Variants in CSMD2 observed in about 807,000 individuals in gnomAD.
The protein encoded by CSMD2 is CUB and Sushi multiple domains 2.
A neutral mutation model predicts 398.5 loss-of-function variants in CSMD2; 130 were observed. That is an observed-to-expected ratio of 0.33 (90% confidence interval 0.28 to 0.38). The LOEUF (loss-of-function observed/expected upper bound fraction) is 0.38. Ranked by LOEUF, CSMD2 falls within the 10% of genes least tolerant of loss-of-function variation. CSMD2 has a pLI of 1.00. For synonymous variants in CSMD2, 1,828 were observed against 1,908.5 expected, an observed-to-expected ratio of 0.96 and a Z score of 1.10; for missense variants, 3,829 against 4,764.9, an observed-to-expected ratio of 0.80 and a Z score of 5.78.
At chr1:33,727,527 T>C (rs1646576491) in intron 15 of CSMD2, among the ~76,000 whole-genome samples, 1 of 152,186 alleles carries the variant, frequency 6.6e-6, no homozygotes, top group Admixed American at 6.5e-5. Context: ...TTTGAAGTTA[T>C]GCAAGGTCAC....
rs186505089 is a variant in CSMD2, at chr1:33,596,814, A to G, written c.6856+4051T>C. ...TTCAAGATGAGATTTGGGTGGGGACACAGCCAAACCATATCAGATGTCTTT... is the reference window on the plus strand; with the variant it reads ...TTCAAGATGAGATTTGGGTGGGGACGCAGCCAAACCATATCAGATGTCTTT... On this transcript the variant is annotated intron_variant, in intron 44 of 70. Coordinates refer to ENST00000373381, the MANE Select transcript of CSMD2 (RefSeq NM_001281956.2). Among the ~76,000 whole-genome samples, 233 of 152,358 alleles carry G rather than the reference A, an allele frequency of 1.5e-3. 1 individual carries two copies. The highest frequency in any genetic ancestry group is 5.3e-3 in the African/African-American group (220 of 41,590).
intron 1 of CSMD2, among the ~76,000 whole-genome samples, chr1:34,135,378 T>C (rs887260112): frequency 1.3e-4 from 20 of 152,030 alleles, no homozygotes; most frequent in African/African-American, 4.6e-4. Flanking sequence ...CCCAGCACTT[T>C]GGGAGGCCGA....
At position 33,584,425 on chromosome 1, in the gene CSMD2, G is replaced by A. The variant is rs561064567; in HGVS notation, c.7052-595C>T. ...GGAGGCTCATGCCTGTAATCCCAGC[G>A]CTGTGGGAGGCCGGGGCGGGTGAAT... On this transcript the variant is annotated intron_variant, in intron 46 of 70. Transcript: ENST00000373381. Among the ~76,000 whole-genome samples the A allele has an allele frequency of 1.1e-4, 16 of 152,180 alleles. No homozygotes were observed. The South Asian group carries it at 2.7e-3, about 26-fold the overall frequency.
chr1:33,864,310 A>G (rs761370218), intron 5 of CSMD2: 17 of 1,613,936 alleles, frequency 1.1e-5, no homozygotes, highest in Non-Finnish European at 7.6e-6. Context: ...GGCTTTAAAG[A>G]GTTCTCTAGA....
chr1:34,147,607 G>A (rs1158392288), intron 1 of CSMD2, among the ~76,000 whole-genome samples: 1 of 150,698 alleles, frequency 6.6e-6, no homozygotes, highest in African/African-American at 2.4e-5. Flanking sequence ...TATGGCTGGG[G>A]AGGAAAGGAG....
chr1:33,546,317 C>G lies in CSMD2; in HGVS notation c.8918-98G>C, dbSNP rs1340346220. The G allele has an allele frequency of 1.2e-5, 15 of 1,237,880 alleles. No homozygotes were observed. In the East Asian group the frequency reaches 3.9e-4, roughly 32 times the overall value. 76.7% of individuals were successfully genotyped at this position (1,237,880 alleles called of 1,614,324 possible). On this transcript the variant is annotated intron_variant, in intron 56 of 70. Coordinates refer to ENST00000373381, the MANE Select transcript of CSMD2 (RefSeq NM_001281956.2). ...ATACTGGGATGGGACTAAGGGGATG[C>G]AGTGGGTCCCACGAATGAGGCCTAG... is the stretch of plus-strand genomic sequence containing the variant.
intron 4 of CSMD2, among the ~76,000 whole-genome samples, chr1:33,934,439 G>T (rs1319617734): frequency 6.6e-6 from 1 of 152,180 alleles, no homozygotes; most frequent in African/African-American, 2.4e-5. Context: ...GGAAAAGGAG[G>T]GACAAGGCTG....
chr1:33,734,784 C>CAA (rs11337287), intron 15 of CSMD2, among the ~76,000 whole-genome samples: 4 of 128,908 alleles, frequency 3.1e-5, no homozygotes, highest in East Asian at 2.3e-4. Context: ...GATTCCATCT[C>CAA]AAAAAAAAAA....
intron 41 of CSMD2, among the ~76,000 whole-genome samples, chr1:33,608,132 G>A (rs1451887297): frequency 1.3e-5 from 2 of 152,148 alleles, no homozygotes; most frequent in East Asian, 3.9e-4. Flanking sequence ...CAAAGATGGG[G>A]GCTGGGGAAT....
chr1:33,624,686 G>A lies in CSMD2; in HGVS notation c.5501-43C>T, dbSNP rs1405459997. On this transcript the variant is annotated intron_variant, in intron 34 of 70. Transcript: ENST00000373381. The surrounding 1 kb of genome is among the most constrained non-coding windows in gnomAD (Gnocchi z 4.7). Reference sequence around the variant, plus strand: ...CGGGTCAGAGGCTTTGTGGCCTCCCGTGGGAGCCTTCCCAAGCTGACTCCT... The same window carrying A: ...CGGGTCAGAGGCTTTGTGGCCTCCCATGGGAGCCTTCCCAAGCTGACTCCT... The A allele has an allele frequency of 8.2e-6, 13 of 1,589,274 alleles. No individual in the cohort carries two copies. Among genetic ancestry groups the A allele is most frequent in the African/African-American group, 1.3e-5 (1 of 74,434 alleles).
intron 26 of CSMD2, among the ~76,000 whole-genome samples, chr1:33,659,301 T>C (rs548857411): frequency 6.6e-6 from 1 of 152,230 alleles, no homozygotes; most frequent in Admixed American, 6.5e-5. Flanking sequence ...GAGGAATGGG[T>C]GCAAGAGTTA....
chr1:33,775,208 T>A (rs1050841651), intron 12 of CSMD2, among the ~76,000 whole-genome samples: 1 of 152,180 alleles, frequency 6.6e-6, no homozygotes, highest in African/African-American at 2.4e-5. Context: ...CAATTCACAA[T>A]GAAGAAAAAT....
chr1:33,592,225 T>G (rs1570859612), intron 44 of CSMD2: 1 of 605,308 alleles, frequency 1.7e-6, no homozygotes, highest in African/African-American at 1.8e-5. Context: ...TCATTCTCTT[T>G]CTGCACATAG....
At chr1:33,764,034 C>T (rs540953815) in intron 13 of CSMD2, among the ~76,000 whole-genome samples, 21 of 152,194 alleles carry the variant, frequency 1.4e-4, no homozygotes, top group Admixed American at 3.3e-4. Context: ...TATACTTTGC[C>T]GGGATACACC....
intron 5 of CSMD2, among the ~76,000 whole-genome samples, chr1:33,852,315 C>T (rs1017007796): frequency 5.3e-5 from 8 of 152,220 alleles, no homozygotes; most frequent in Non-Finnish European, 1.2e-4. Context: ...CCCTGCATTG[C>T]TGGAAAGCCA....
chr1:33,754,391 T>C (rs1277062191), intron 13 of CSMD2, among the ~76,000 whole-genome samples: 2 of 152,190 alleles, frequency 1.3e-5, no homozygotes, highest in Non-Finnish European at 2.9e-5. Flanking sequence ...CTGGCTCTCC[T>C]TTGCCTTCTG....
chr1:33,856,628 G>A (rs1373747860), intron 5 of CSMD2, among the ~76,000 whole-genome samples: 1 of 152,114 alleles, frequency 6.6e-6, no homozygotes, highest in Admixed American at 6.5e-5. Flanking sequence ...CTGAGTTTGA[G>A]CATCATGTAT....
In CSMD2 at chr1:33,954,166, G is replaced by A. The variant is rs548210151; in HGVS notation, c.518-18212C>T. The stretch of plus-strand genomic sequence containing the variant: ...CCTTCAACCCCCTCCCCTGAGAGTC[G>A]AAGTAGGTATAGTACTATCATGATC... On this transcript the variant is annotated intron_variant, in intron 3 of 70. Transcript: ENST00000373381. Among the ~76,000 whole-genome samples the A allele has an allele frequency of 4.6e-5, 7 of 152,270 alleles. No individual in the cohort carries two copies. In the South Asian group the frequency reaches 1.2e-3, roughly 27 times the overall value.
chr1:33,897,826 T>C lies in CSMD2; in HGVS notation c.920+20268A>G, dbSNP rs181631173. 1.7e-4 allele frequency among the ~76,000 whole-genome samples: 26 copies of C among 152,348 alleles called. No homozygotes were observed. The East Asian group carries it at 4.8e-3, about 28-fold the overall frequency. On this transcript the variant is annotated intron_variant, in intron 5 of 70. Transcript: ENST00000373381. ...ATAAACATGTATCAAGGGCCCTCCA[T>C]GGGCAAGGTGGTTCCACAAATGTTA...
Sources: gnomAD v4.1 joint callset for allele counts (sites outside exome capture counted in the v4.1 genomes callset) on GRCh38, gnomAD v4.1.1 for gene constraint, Gnocchi (gnomAD v3.1) non-coding constraint, MANE v1.5 for transcripts, NCBI Gene and HGNC (gene_info 2026-07-23, HGNC 2026-07-21) for gene names.